Variants in JAML observed in about 807,000 individuals in gnomAD.
The protein encoded by JAML is junctional adhesion molecule-like.
Under a neutral mutation model 39.3 loss-of-function variants are expected in JAML, and 25 were observed. That is an observed-to-expected ratio of 0.64 (90% CI 0.46 to 0.89). JAML has a LOEUF of 0.89. JAML is among the 40% of genes least tolerant of loss of function. The probability of loss-of-function intolerance (pLI) is 0.00; values close to 1 mark genes in which losing one functional copy is unlikely to be tolerated. For missense variants in JAML, 440 were observed against 486.9 expected (o/e 0.90, Z 0.91); for synonymous variants, 162 against 179.2 (o/e 0.90, Z 0.77).
rs1350904106 is a variant in JAML at position 118,194,417 on chromosome 11, G to C, written c.1093C>G (p.His365Asp). The change falls in exon 10 of 10, where the codon CAC (histidine) becomes GAC (aspartate). Residue 365 changes from histidine (H) to aspartate (D), a missense_variant and splice_region_variant. By Grantham distance (81) the His-to-Asp change is moderately conservative (BLOSUM62 -1). Coordinates refer to ENST00000356289, the MANE Select transcript of JAML (RefSeq NM_001098526.2). ...GACCTCAGAGAAGGCCAAACTGGGTGCTGTGGGGGAAGGGCAGAAAGAAAC... is the reference window on the plus strand; with the variant it reads ...GACCTCAGAGAAGGCCAAACTGGGTCCTGTGGGGGAAGGGCAGAAAGAAAC... The part of the protein sequence containing the change: ...EKSEATYMTM[H>D]PVWPSLRSDR... 2 of 1,613,762 alleles carry C rather than the reference G, an allele frequency of 1.2e-6. No individual in the cohort carries two copies. The highest frequency in any genetic ancestry group is 2.7e-5 in the African/African-American group (2 of 74,918).
At chr11:118,212,344 C>T (rs573411457) in intron 3 of JAML, 63 bp downstream of exon 3, 197 of 1,569,060 alleles carry the variant, frequency 1.3e-4, no homozygotes, top group Non-Finnish European at 1.6e-4. Context: ...ACTCTTACAC[C>T]ACTCTGTCCT....
chr11:118,202,583 G>A (rs1755510014), intron 6 of JAML: 1 of 212,012 alleles, frequency 4.7e-6, no homozygotes, highest in Non-Finnish European at 9.8e-6. Context: ...GGGTGGAGAA[G>A]CTGCATGAGC....
At position 118,222,921 on chromosome 11, in the gene JAML, C is replaced by T. The variant is rs1341576389; in HGVS notation, c.-21+2020G>A. On this transcript the variant is annotated intron_variant, in intron 1 of 9. Transcript: ENST00000356289. The surrounding 1 kb of genome is among the most constrained non-coding windows in gnomAD (Gnocchi z 4.2). Reference sequence around the variant, plus strand: ...ACCAGCCTGGCCAACATGGCAAAACCCCGTCTCTACTAAAAATACAAAAAT... The same window carrying T: ...ACCAGCCTGGCCAACATGGCAAAACTCCGTCTCTACTAAAAATACAAAAAT... Among the ~76,000 whole-genome samples, 1 of 151,876 alleles carries T rather than the reference C, an allele frequency of 6.6e-6. No individual in the cohort carries two copies. The highest frequency in any genetic ancestry group is 1.5e-5 in the Non-Finnish European group (1 of 67,958).
At chr11:118,213,049 C>G in intron 2 of JAML, 1 of 1,595,366 alleles carries the variant, frequency 6.3e-7, no homozygotes, top group Non-Finnish European at 8.5e-7. Context: ...CTGATTCTGG[C>G]TGTAGGGCAG....
At chr11:118,200,698 G>A (rs1181302358) in intron 6 of JAML, 86 bp from the exon 7 acceptor site, 2 of 1,508,658 alleles carry the variant, frequency 1.3e-6, no homozygotes, top group Admixed American at 1.8e-5. Context: ...AGTAGCACCA[G>A]CCAGGCCACG....
intron 8 of JAML, 21 bp downstream of exon 8, chr11:118,197,977 T>C (rs1266479332): frequency 1.2e-6 from 2 of 1,606,488 alleles, no homozygotes; most frequent in African/African-American, 2.7e-5. Context: ...CTTAGTGTTT[T>C]AGGCTGAAGC....
At chr11:118,196,171 C>A (rs1043068304) in intron 9 of JAML, among the ~76,000 whole-genome samples, 2 of 150,814 alleles carry the variant, frequency 1.3e-5, no homozygotes, top group African/African-American at 4.9e-5. Context: ...ACTCTGTCTC[C>A]CAGGCTGGAG....
intron 4 of JAML, chr11:118,208,966 A>G (rs1565480564): frequency 4.6e-6 from 1 of 218,470 alleles, no homozygotes; most frequent in East Asian, 1.1e-4. Flanking sequence ...CACCATTTCT[A>G]AATAAGAAAT....
Position 118,194,226 on chromosome 11 carries a change from C to A in JAML, c.*99G>T. The A allele has an allele frequency of 1.9e-6, 2 of 1,042,940 alleles. No homozygotes were observed. Among genetic ancestry groups the A allele is most frequent in the Non-Finnish European group, 3.0e-6 (2 of 670,906 alleles). 64.6% of individuals were successfully genotyped at this position (1,042,940 alleles called of 1,614,324 possible). A position where few individuals can be genotyped will look rare whatever the true frequency, so the allele number is the denominator to read the frequency against. ...ACCAAACAATGAGACAGGAGGACAG[C>A]TGGGAGAGCGGGAGTCTGAAATCAC... On this transcript the variant is annotated 3_prime_UTR_variant, in exon 10 of 10. Transcript: ENST00000356289.
Position 118,194,437 on chromosome 11 carries a change from A to G in JAML, c.1093-20T>C, listed in dbSNP as rs762323830. Reference sequence around the variant, plus strand: ...TGGGTGCTGTGGGGGAAGGGCAGAAAGAAACAAAACATGCTTGTAAGAAGT... The same window carrying G: ...TGGGTGCTGTGGGGGAAGGGCAGAAGGAAACAAAACATGCTTGTAAGAAGT... On this transcript the variant is annotated intron_variant, in intron 9 of 9. Coordinates refer to ENST00000356289, the MANE Select transcript of JAML (RefSeq NM_001098526.2). 23 of 1,598,274 alleles carry G rather than the reference A, an allele frequency of 1.4e-5. No homozygotes were observed. Among genetic ancestry groups the G allele is most frequent in the Non-Finnish European group, 2.0e-5 (23 of 1,165,746 alleles).
chr11:118,200,451 A>G (rs1180455391), intron 7 of JAML, 23 bp downstream of exon 7: 1 of 1,612,904 alleles, frequency 6.2e-7, no homozygotes, highest in African/African-American at 1.3e-5. Context: ...CTCCCAATCC[A>G]AGGGGTGGGG....
At chr11:118,200,071 T>C (rs978061992) in intron 7 of JAML, among the ~76,000 whole-genome samples, 1 of 152,160 alleles carries the variant, frequency 6.6e-6, no homozygotes, top group Admixed American at 6.5e-5. Context: ...AATTAGAATG[T>C]GGTCTTTTAG....
intron 6 of JAML, chr11:118,202,973 G>T (rs764326527): frequency 1.7e-4 from 76 of 456,558 alleles, no homozygotes; most frequent in Non-Finnish European, 2.8e-4. Context: ...CTCCATTTTT[G>T]GTTCTGGTGC....
chr11:118,205,802 C>T (rs1242743529), intron 5 of JAML, 80 bp downstream of exon 5: 13 of 1,338,540 alleles, frequency 9.7e-6, no homozygotes, highest in Non-Finnish European at 1.4e-5. Flanking sequence ...GCAACACCTC[C>T]TCATGTGCCT....
chr11:118,209,791 G>T (rs535770928), intron 4 of JAML, among the ~76,000 whole-genome samples: 6 of 151,736 alleles, frequency 4.0e-5, no homozygotes, highest in Non-Finnish European at 7.4e-5. Flanking sequence ...CTCCCACCTC[G>T]GGCTCCCAAA....
chr11:118,202,419 A>T (rs1416323862), intron 6 of JAML: 1 of 155,482 alleles, frequency 6.4e-6, no homozygotes, highest in Non-Finnish European at 1.4e-5. Context: ...GTAGAAACCA[A>T]CAGAAAGTGA....
intron 4 of JAML, among the ~76,000 whole-genome samples, chr11:118,210,126 G>T (rs1949017372): frequency 6.6e-6 from 1 of 152,160 alleles, no homozygotes; most frequent in Non-Finnish European, 1.5e-5. Context: ...AGGTATTAGG[G>T]CATAGTAAAA....
In JAML at chr11:118,205,892, C is replaced by T. The variant is rs369260270; in HGVS notation, c.524G>A (p.Arg175Gln). Reference sequence around the variant, plus strand: ...TTTCCTCCTTGTTACCTTTGCGCGCCGTCCTGAAAATATCCATTCTACCTT... The same window carrying T: ...TTTCCTCCTTGTTACCTTTGCGCGCTGTCCTGAAAATATCCATTCTACCTT... ...VTKVEWIFSGRRAKEEIVFRY... is the reference protein window; with the variant it reads ...VTKVEWIFSGQRAKEEIVFRY... Residue 175 changes from arginine to glutamine, a missense_variant, in exon 5 of 10, where the codon CGG becomes CAG. Physicochemically the swap from Arg to Gln is conservative, Grantham distance 43 (BLOSUM62 1). Coordinates refer to ENST00000356289, the MANE Select transcript of JAML (RefSeq NM_001098526.2). 16 of 1,613,734 alleles carry T rather than the reference C, an allele frequency of 9.9e-6. No individual in the cohort carries two copies. The East Asian group carries it at 1.1e-4, about 11-fold the overall frequency.
rs377621403 is a variant in JAML at position 118,200,599 on chromosome 11, C to T, written c.786G>A (p.Pro262=). ...CCAAGACCAGAGGCCTCAGGGCTGC[C>T]GGGGTCACCAGTGCTTGGGAAAGTA... ...SPEEPRTLVT[P]AALRPLVLGG... Residue 262 remains proline (P), a synonymous_variant, in exon 7 of 10, where the codon CCG becomes CCA. Transcript: ENST00000356289. The T allele has an allele frequency of 3.3e-5, 53 of 1,613,914 alleles. No individual in the cohort carries two copies. Among genetic ancestry groups the T allele is most frequent in the South Asian group, 7.7e-5 (7 of 91,086 alleles).
Sources: allele counts gnomAD v4.1 joint callset (sites outside exome capture counted in the v4.1 genomes callset), GRCh38; gene constraint gnomAD v4.1.1; non-coding constraint Gnocchi (gnomAD v3.1); transcripts MANE v1.5; gene names NCBI Gene and HGNC (gene_info 2026-07-23, HGNC 2026-07-21).